The following SLC24A2 variants were observed in gnomAD, a reference collection of about 807,000 sequenced individuals.
The protein encoded by SLC24A2 is solute carrier family 24 member 2, also known as sodium/potassium/calcium exchanger 2.
SLC24A2 carries 36 observed loss-of-function variants against 62.0 expected under a neutral mutation model. That is an observed-to-expected ratio of 0.58 (90% confidence interval 0.44 to 0.77). The LOEUF (loss-of-function observed/expected upper bound fraction) is 0.77, where lower values mean the gene tolerates loss of function less well. Among genes scored for constraint, SLC24A2 ranks in the 30% least tolerant of loss-of-function variants. The pLI is 0.00. For missense variants in SLC24A2, 846 were observed against 817.9 expected, an observed-to-expected ratio of 1.03 and a Z score of -0.42; for synonymous variants, 358 against 294.0, an observed-to-expected ratio of 1.22 and a Z score of -2.23.
chr9:20,135,227 C>T, the SLC24A2 span, among the ~76,000 whole-genome samples: 2 of 151,962 alleles, frequency 1.3e-5, no homozygotes, highest in Admixed American at 6.6e-5. Context: ...TAAATTCTAA[C>T]CCAATAAATC....
At chr9:20,074,593 GGAAGGAAGGAAA>G in the SLC24A2 span, among the ~76,000 whole-genome samples, 2,637 of 97,058 alleles carry the variant, frequency 0.027, 91 homozygotes, top group African/African-American at 0.069. Flanking sequence ...AAGGAAGGAA[GGAAGGAAGGAAA>G]GAAGGGAGTG....
At chr9:19,902,346 A>C in the SLC24A2 span, among the ~76,000 whole-genome samples, 1 of 152,232 alleles carries the variant, frequency 6.6e-6, no homozygotes, top group Non-Finnish European at 1.5e-5. Context: ...TTTTCAAGGC[A>C]GGCAAATGGA....
chr9:19,781,494 C>G (rs1435612603), intron 2 of SLC24A2, among the ~76,000 whole-genome samples: 1 of 152,134 alleles, frequency 6.6e-6, no homozygotes, highest in Non-Finnish European at 1.5e-5. Flanking sequence ...GCAATTTGAA[C>G]TGTGTGTATC....
At chr9:20,001,914 C>T in the SLC24A2 span, among the ~76,000 whole-genome samples, 1 of 152,228 alleles carries the variant, frequency 6.6e-6, no homozygotes, top group East Asian at 1.9e-4. Context: ...AAATGTACTT[C>T]ATGGAAAATA....
the SLC24A2 span, among the ~76,000 whole-genome samples, chr9:19,801,409 G>T: frequency 6.6e-6 from 1 of 152,172 alleles, no homozygotes; most frequent in Non-Finnish European, 1.5e-5. Flanking sequence ...AGTCAGCGGC[G>T]GGTCTGCAAT....
At chr9:20,171,712 T>C in the SLC24A2 span, among the ~76,000 whole-genome samples, 1 of 152,008 alleles carries the variant, frequency 6.6e-6, no homozygotes, top group African/African-American at 2.4e-5. Flanking sequence ...CTCCCAAATT[T>C]ATAAAACAAT....
chr9:19,630,283 A>G (rs1818144002), intron 2 of SLC24A2, among the ~76,000 whole-genome samples: 1 of 152,162 alleles, frequency 6.6e-6, no homozygotes, highest in Non-Finnish European at 1.5e-5. Flanking sequence ...ATTATAAACA[A>G]CACATATATT....
intron 2 of SLC24A2, among the ~76,000 whole-genome samples, chr9:19,739,889 G>A (rs1488526785): frequency 6.6e-6 from 1 of 152,140 alleles, no homozygotes; most frequent in Non-Finnish European, 1.5e-5. Flanking sequence ...GTTAGACTGG[G>A]AGAAGATATC....
chr9:20,076,143 C>T, the SLC24A2 span, among the ~76,000 whole-genome samples: 2 of 151,808 alleles, frequency 1.3e-5, no homozygotes, highest in Admixed American at 6.6e-5. Context: ...TTCACAGATG[C>T]GGAACCTATG....
chr9:19,848,959 C>G, the SLC24A2 span, among the ~76,000 whole-genome samples: 9 of 152,236 alleles, frequency 5.9e-5, no homozygotes, highest in East Asian at 1.7e-3. Context: ...ACTGGGGATA[C>G]AAAGATAAAT....
At chr9:19,846,708 A>G in the SLC24A2 span, among the ~76,000 whole-genome samples, 1 of 152,050 alleles carries the variant, frequency 6.6e-6, no homozygotes, top group Non-Finnish European at 1.5e-5. Flanking sequence ...AGCAATTTTT[A>G]TTTATATTAA....
chr9:20,239,017 C>G, the SLC24A2 span, among the ~76,000 whole-genome samples: 1 of 152,148 alleles, frequency 6.6e-6, no homozygotes, highest in Non-Finnish European at 1.5e-5. Context: ...TCACCAGAAA[C>G]TAAATTGGCT....
the SLC24A2 span, among the ~76,000 whole-genome samples, chr9:19,964,727 A>C: frequency 6.6e-6 from 1 of 152,178 alleles, no homozygotes; most frequent in South Asian, 2.1e-4. Flanking sequence ...TTCTTAGTGC[A>C]CAGGTGTGTG....
chr9:19,684,092 G>A (rs568477300), intron 2 of SLC24A2, among the ~76,000 whole-genome samples: 114 of 152,296 alleles, frequency 7.5e-4, no homozygotes, highest in African/African-American at 2.6e-3. Flanking sequence ...GGGTGCTCTA[G>A]GGGACCAGGC....
the SLC24A2 span, among the ~76,000 whole-genome samples, chr9:20,288,677 G>A: frequency 1.3e-5 from 2 of 148,658 alleles, no homozygotes; most frequent in Non-Finnish European, 3.0e-5. Context: ...AGAATCACTT[G>A]AACCTGGAAG....
intron 5 of SLC24A2, among the ~76,000 whole-genome samples, chr9:19,582,481 T>A (rs560975367): frequency 6.6e-6 from 1 of 151,860 alleles, no homozygotes; most frequent in East Asian, 1.9e-4. Flanking sequence ...GCAAAGAGAG[T>A]GGCCAAACAC....
chr9:19,680,851 T>TTGTGTGAGAG (rs1554697846), intron 2 of SLC24A2, among the ~76,000 whole-genome samples: 2 of 146,970 alleles, frequency 1.4e-5, no homozygotes, highest in East Asian at 4.1e-4. Flanking sequence ...TATACCAGAG[T>TTGTGTGAGAG]TGTGTGTGTG....
Position 19,515,081 on chromosome 9 carries a change from T to G in SLC24A2, c.*1072A>C, listed in dbSNP as rs145590726. The G allele has an allele frequency of 6.6e-6, 1 of 152,188 alleles. No individual in the cohort carries two copies. The highest frequency in any genetic ancestry group is 2.4e-5 in the African/African-American group (1 of 41,452). The allele number at this position is 152,188 out of a possible 1,614,324, so 9.4% of individuals were successfully genotyped here. On this transcript the variant is annotated 3_prime_UTR_variant, in exon 11 of 11. Transcript: ENST00000341998. ...CTTGGCAGCCCTTAGCATCAAAATA[T>G]ATCTACATGACAATCACAGCTAAAC...
At chr9:19,941,556 AGTGTGTGTGTGTGTGT>A in the SLC24A2 span, among the ~76,000 whole-genome samples, 1 of 134,074 alleles carries the variant, frequency 7.5e-6, no homozygotes, top group East Asian at 2.1e-4. Context: ...GAGGACTGGG[AGTGTGTGTGTGTGTGT>A]GTGTGTGTGT....
Sources: allele counts gnomAD v4.1 joint callset (sites outside exome capture counted in the v4.1 genomes callset), GRCh38; gene constraint gnomAD v4.1.1; transcripts MANE v1.5; gene names NCBI Gene and HGNC (gene_info 2026-07-23, HGNC 2026-07-21).